Variants in NANS observed in about 807,000 individuals in gnomAD.
NANS encodes the protein N-acetylneuraminate-9-phosphate synthase.
A neutral mutation model predicts 33.3 loss-of-function variants in NANS; 29 were observed. That is an observed-to-expected ratio of 0.87 (90% CI 0.65 to 1.19). The LOEUF (loss-of-function observed/expected upper bound fraction) is 1.19. Ranked by LOEUF, NANS falls within the 50% of genes most tolerant of loss-of-function variation. The pLI, the probability that NANS is intolerant of heterozygous loss-of-function variation, is 0.00. For missense variants in NANS, 394 were observed against 461.1 expected (o/e 0.85, Z 1.33); for synonymous variants, 163 against 177.2 (o/e 0.92, Z 0.64).
At chr9:98,062,036 A>G (rs947771393) in intron 2 of NANS, among the ~76,000 whole-genome samples, 1 of 151,860 alleles carries the variant, frequency 6.6e-6, no homozygotes, top group Non-Finnish European at 1.5e-5. Flanking sequence ...AGTGTGGGCA[A>G]CACAGGGAGA....
At chr9:98,059,737 T>G (rs533857510) in intron 1 of NANS, among the ~76,000 whole-genome samples, 7 of 152,226 alleles carry the variant, frequency 4.6e-5, no homozygotes, top group African/African-American at 1.4e-4. Context: ...TTTGTTTTTT[T>G]TTTTTTATAG....
chr9:98,080,790 G>GTTA, intron 4 of NANS, 26 bp from the exon 5 acceptor site: 1 of 1,549,088 alleles, frequency 6.5e-7, no homozygotes, highest in Non-Finnish European at 8.7e-7. Flanking sequence ...GATATTTAAT[G>GTTA]TTATTTTTCT....
At chr9:98,075,742 ATGTT>A (rs1375898362) in intron 2 of NANS, 1 of 152,152 alleles carries the variant, frequency 6.6e-6, no homozygotes, top group Non-Finnish European at 1.5e-5. Context: ...GGTGATGTGT[ATGTT>A]TATTACTCTT....
Position 98,056,742 on chromosome 9 carries a change from G to T in NANS, c.-67G>T. On this transcript the variant is annotated 5_prime_UTR_variant, in exon 1 of 6. Transcript: ENST00000210444. ...CTCGCAGCGTTGCTCACAGAACAGA[G>T]TAGAGGCGGCGGCGGCGGCGGCCGG... 1 of 1,567,052 alleles carries T rather than the reference G, an allele frequency of 6.4e-7. No homozygotes were observed. Among genetic ancestry groups the T allele is most frequent in the Admixed American group, 1.9e-5 (1 of 53,192 alleles).
intron 2 of NANS, among the ~76,000 whole-genome samples, chr9:98,072,649 T>G (rs1185749380): frequency 6.6e-6 from 1 of 152,106 alleles, no homozygotes; most frequent in African/African-American, 2.4e-5. Flanking sequence ...GACCTCATGA[T>G]CCACCCACCT....
At chr9:98,064,993 C>T (rs1171609362) in intron 2 of NANS, among the ~76,000 whole-genome samples, 1 of 152,162 alleles carries the variant, frequency 6.6e-6, no homozygotes, top group East Asian at 1.9e-4. Context: ...CAGTTAATTA[C>T]TGCCCTGCAA....
intron 2 of NANS, among the ~76,000 whole-genome samples, chr9:98,068,841 A>G (rs868288859): frequency 1.6e-4 from 24 of 152,222 alleles, no homozygotes; most frequent in African/African-American, 3.9e-4. Flanking sequence ...AAAAAAAAAA[A>G]AAATTGATAA....
intron 5 of NANS, chr9:98,081,608 A>G (rs2118039280): frequency 6.5e-6 from 1 of 153,436 alleles, no homozygotes; most frequent in African/African-American, 2.4e-5. Context: ...AGACAGAGGA[A>G]CTGGTGGGCC....
At chr9:98,076,041 A>G (rs1464174917) in intron 2 of NANS, 2 of 152,030 alleles carry the variant, frequency 1.3e-5, no homozygotes, top group African/African-American at 4.8e-5. Flanking sequence ...TCAAGCAGTG[A>G]CGTTATATCT....
chr9:98,082,750 C>A, intron 5 of NANS, 96 bp from the exon 6 acceptor site: 1 of 1,192,516 alleles, frequency 8.4e-7, no homozygotes, highest in Non-Finnish European at 1.2e-6. Context: ...AAGGTACTGC[C>A]TGGGGAAGAC....
chr9:98,077,304 A>C (rs1386373488), intron 3 of NANS, among the ~76,000 whole-genome samples: 1 of 151,994 alleles, frequency 6.6e-6, no homozygotes, highest in Non-Finnish European at 1.5e-5. Context: ...ATTTTTTGTA[A>C]GCTAATTTGA....
At chr9:98,058,504 T>C (rs940587294) in intron 1 of NANS, among the ~76,000 whole-genome samples, 7 of 152,238 alleles carry the variant, frequency 4.6e-5, no homozygotes, top group Non-Finnish European at 8.8e-5. Context: ...GCCACAGGAC[T>C]CCAGCCTTTC....
intron 2 of NANS, among the ~76,000 whole-genome samples, chr9:98,068,398 C>T (rs1829212515): frequency 6.6e-6 from 1 of 152,042 alleles, no homozygotes; most frequent in Admixed American, 6.6e-5. Context: ...CCTCGGCCTC[C>T]CAAATGCTAG....
At chr9:98,061,760 T>C (rs1164491037) in intron 2 of NANS, among the ~76,000 whole-genome samples, 2 of 148,342 alleles carry the variant, frequency 1.3e-5, no homozygotes, top group African/African-American at 5.0e-5. Flanking sequence ...AGCCTGGTGA[T>C]AGAGCAAGAT....
At chr9:98,069,872 T>G (rs75244378) in intron 2 of NANS, among the ~76,000 whole-genome samples, 2,992 of 152,224 alleles carry the variant, frequency 0.02, 110 homozygotes, top group African/African-American at 0.068. Context: ...AAATTGCATA[T>G]AATTAAATAT....
At chr9:98,079,035 A>G (rs1260842939) in intron 4 of NANS, among the ~76,000 whole-genome samples, 1 of 152,044 alleles carries the variant, frequency 6.6e-6, no homozygotes, top group Non-Finnish European at 1.5e-5. Context: ...TCTAATGCTG[A>G]GCATCCCTGA....
rs181267424 is a variant in NANS, at chr9:98,059,283, A to G, written c.133-1499A>G. Among the ~76,000 whole-genome samples the G allele has an allele frequency of 1.6e-4, 25 of 152,324 alleles. 1 individual carries two copies. Among genetic ancestry groups the G allele is most frequent in the African/African-American group, 5.5e-4 (23 of 41,590 alleles). Reference sequence around the variant, plus strand: ...CGTGATCTGCCCACCTCGGCCTCCCAGAGTGCTGGGATTACAGGTGTGAGC... The same window carrying G: ...CGTGATCTGCCCACCTCGGCCTCCCGGAGTGCTGGGATTACAGGTGTGAGC... On this transcript the variant is annotated intron_variant, in intron 1 of 5. Coordinates refer to ENST00000210444, the MANE Select transcript of NANS (RefSeq NM_018946.4).
chr9:98,063,191 G>C (rs1014228319), intron 2 of NANS, among the ~76,000 whole-genome samples: 1 of 151,748 alleles, frequency 6.6e-6, no homozygotes, highest in Non-Finnish European at 1.5e-5. Context: ...GCCTCCCAAA[G>C]GTCTGGGGAT....
At chr9:98,058,136 C>T (rs762822369) in intron 1 of NANS, among the ~76,000 whole-genome samples, 2 of 151,838 alleles carry the variant, frequency 1.3e-5, no homozygotes, top group South Asian at 2.1e-4. Flanking sequence ...AGGCTGGTCT[C>T]GAACTCCTGA....
Sources: gnomAD v4.1 joint callset for allele counts (sites outside exome capture counted in the v4.1 genomes callset) on GRCh38, gnomAD v4.1.1 for gene constraint, MANE v1.5 for transcripts, NCBI Gene and HGNC (gene_info 2026-07-23, HGNC 2026-07-21) for gene names.